Variants in MAST2 observed in about 807,000 individuals in gnomAD.
The protein encoded by MAST2 is microtubule associated serine/threonine kinase 2.
In MAST2, 70 loss-of-function variants were observed where a neutral mutation model predicts 147.4. The ratio of observed to expected loss-of-function variants is 0.47; its 90% CI spans 0.39 to 0.58. MAST2 has a LOEUF of 0.58. MAST2 is among the 20% of genes least tolerant of loss of function. The pLI is 0.00. For synonymous variants in MAST2, 869 were observed against 896.8 expected (o/e 0.97, Z 0.55); for missense variants, 2,080 against 2,302.3 (o/e 0.90, Z 1.98).
chr1:45,841,860 A>G (rs779867279), intron 3 of MAST2, among the ~76,000 whole-genome samples: 2 of 152,178 alleles, frequency 1.3e-5, no homozygotes, highest in East Asian at 1.9e-4. Context: ...GTCATGGTAA[A>G]TTATTACATT....
chr1:45,913,777 A>T (rs1393677746), intron 4 of MAST2: 1 of 1,115,268 alleles, frequency 9.0e-7, no homozygotes, highest in African/African-American at 1.7e-5. Context: ...CTTGTGTGAG[A>T]GAACTTCCTA....
chr1:45,810,287 A>G (rs4660887), intron 1 of MAST2, among the ~76,000 whole-genome samples: 121,192 of 152,160 alleles, frequency 0.8, 48,737 homozygotes, highest in East Asian at 0.98. Flanking sequence ...AGTGTGACAG[A>G]AATTTTAAAA....
intron 3 of MAST2, chr1:45,847,599 C>T: frequency 2.5e-6 from 2 of 806,250 alleles, no homozygotes; most frequent in Non-Finnish European, 3.9e-6. Context: ...CCCTTTGGTG[C>T]TTTAGGTATA....
intron 3 of MAST2, chr1:45,847,415 G>T: frequency 3.7e-6 from 2 of 544,406 alleles, no homozygotes; most frequent in South Asian, 1.5e-5. Flanking sequence ...TCTTTTTTTG[G>T]GGGGGATCAA....
intron 1 of MAST2, among the ~76,000 whole-genome samples, chr1:45,808,048 G>A (rs987071512): frequency 6.6e-6 from 1 of 152,066 alleles, no homozygotes; most frequent in Admixed American, 6.6e-5. Flanking sequence ...ATGGAACAGT[G>A]CTTGTTACAG....
At chr1:45,825,736 C>T (rs1018609204) in intron 2 of MAST2, among the ~76,000 whole-genome samples, 1 of 151,760 alleles carries the variant, frequency 6.6e-6, no homozygotes, top group African/African-American at 2.4e-5. Context: ...CCACGCCTGC[C>T]TGGGATGTGA....
chr1:45,978,703 G>A (rs1464744511), intron 5 of MAST2, among the ~76,000 whole-genome samples: 1 of 152,088 alleles, frequency 6.6e-6, no homozygotes, highest in Non-Finnish European at 1.5e-5. Context: ...CTTACGTAAA[G>A]TACAGAAACA....
At chr1:45,880,499 A>C (rs901519148) in intron 3 of MAST2, among the ~76,000 whole-genome samples, 4 of 152,226 alleles carry the variant, frequency 2.6e-5, no homozygotes, top group Admixed American at 2.6e-4. Flanking sequence ...TTATCTGAGT[A>C]TATGTACTTA....
At chr1:46,033,293 G>C (rs1349802353) in intron 26 of MAST2, among the ~76,000 whole-genome samples, 1 of 150,832 alleles carries the variant, frequency 6.6e-6, no homozygotes, top group African/African-American at 2.4e-5. Flanking sequence ...AAAAAAATTA[G>C]CCGAGTGTGG....
intron 16 of MAST2, among the ~76,000 whole-genome samples, chr1:46,027,270 C>T (rs1646451481): frequency 6.6e-6 from 1 of 152,104 alleles, no homozygotes; most frequent in African/African-American, 2.4e-5. Context: ...CCCAACTAAC[C>T]CTCCTCCCAA....
At chr1:45,877,112 T>G (rs1646640458) in intron 3 of MAST2, among the ~76,000 whole-genome samples, 1 of 152,212 alleles carries the variant, frequency 6.6e-6, no homozygotes, top group South Asian at 2.1e-4. Context: ...GAACAGACAT[T>G]TATTTTCTCA....
At chr1:45,956,720 C>A (rs975692173) in intron 4 of MAST2, among the ~76,000 whole-genome samples, 2 of 152,196 alleles carry the variant, frequency 1.3e-5, no homozygotes, top group Non-Finnish European at 2.9e-5. Flanking sequence ...TAGCCATGCT[C>A]TGGAGAGAGA....
At chr1:45,942,250 G>T (rs1441797009) in intron 4 of MAST2, among the ~76,000 whole-genome samples, 1 of 151,962 alleles carries the variant, frequency 6.6e-6, no homozygotes, top group African/African-American at 2.4e-5. Flanking sequence ...TTGCTATCTG[G>T]CTTTGAATCA....
chr1:45,895,435 A>G (rs1383769948), intron 4 of MAST2, among the ~76,000 whole-genome samples: 1 of 152,188 alleles, frequency 6.6e-6, no homozygotes, highest in Non-Finnish European at 1.5e-5. Flanking sequence ...ACAAAACAAA[A>G]CCCAGTTATG....
intron 5 of MAST2, among the ~76,000 whole-genome samples, chr1:45,977,800 C>CAAAAA (rs11441101): frequency 1.5e-5 from 2 of 132,920 alleles, no homozygotes; most frequent in African/African-American, 2.8e-5. Flanking sequence ...ACTCTTGTCT[C>CAAAAA]AAAAAAAAAA....
At chr1:45,846,976 A>G (rs1179513792) in intron 3 of MAST2, 1 of 250,436 alleles carries the variant, frequency 4.0e-6, no homozygotes, top group East Asian at 1.3e-4. Flanking sequence ...TTTATTTTGA[A>G]TTCAAGTGAA....
rs576601998 is a variant in MAST2, at chr1:45,966,654, G to A, written c.592+7177G>A. On this transcript the variant is annotated intron_variant, in intron 5 of 28. Transcript: ENST00000361297. ...GGAGAATCGCTTGAACCAGGGAGGT[G>A]GAGGTTGCAGTGAGCCAAGATTGTG... 2.6e-5 allele frequency among the ~76,000 whole-genome samples: 4 copies of A among 152,210 alleles called. No homozygotes were observed. In the South Asian group the frequency reaches 8.3e-4, roughly 32 times the overall value.
intron 10 of MAST2, among the ~76,000 whole-genome samples, chr1:46,013,747 G>A (rs1009183137): frequency 6.6e-6 from 1 of 152,032 alleles, no homozygotes; most frequent in African/African-American, 2.4e-5. Context: ...CAGTGTAGCT[G>A]TAGAGACAGA....
rs914460575 is a variant in MAST2, at chr1:46,034,682, C to T, written c.4013C>T (p.Ala1338Val). The T allele has an allele frequency of 2.5e-6, 4 of 1,614,066 alleles. No homozygotes were observed. ...RQYRSPRRKS[A>V]GSIPLSPLAH... Reference sequence around the variant, plus strand: ...TACCGCTCTCCACGGCGCAAGTCAGCAGGCAGCATCCCACTGTCACCACTG... The same window carrying T: ...TACCGCTCTCCACGGCGCAAGTCAGTAGGCAGCATCCCACTGTCACCACTG... The change falls in exon 29 of 29, where the codon GCA becomes GTA. Residue 1338 changes from alanine to valine, a missense_variant. This residue lies in a region of MAST2 where 1,278 missense variants were observed against 1,304.2 expected (regional missense o/e 0.98). Coordinates refer to ENST00000361297, the MANE Select transcript of MAST2 (RefSeq NM_015112.3).
Sources: allele counts gnomAD v4.1 joint callset (sites outside exome capture counted in the v4.1 genomes callset), GRCh38; gene constraint gnomAD v4.1.1; regional missense constraint gnomAD v4.1.1; transcripts MANE v1.5; gene names NCBI Gene and HGNC (gene_info 2026-07-23, HGNC 2026-07-21).